The following SERGEF variants were observed in gnomAD, a reference collection of about 807,000 sequenced individuals.
SERGEF encodes the protein secretion regulating guanine nucleotide exchange factor, also known as secretion-regulating guanine nucleotide exchange factor.
Under a neutral mutation model 50.0 loss-of-function variants are expected in SERGEF, and 51 were observed. The observed-to-expected ratio is 1.02, with a 90% CI of 0.81 to 1.29. SERGEF has a LOEUF of 1.29. Among genes scored for constraint, SERGEF ranks in the 50% most tolerant of loss-of-function variants. SERGEF has a pLI of 0.00. For synonymous variants in SERGEF, 205 were observed against 212.4 expected, an observed-to-expected ratio of 0.97 and a Z score of 0.30; for missense variants, 521 against 557.0, an observed-to-expected ratio of 0.94 and a Z score of 0.65.
At chr11:17,849,622 A>G (rs1360794481) in intron 10 of SERGEF, among the ~76,000 whole-genome samples, 1 of 152,212 alleles carries the variant, frequency 6.6e-6, no homozygotes, top group East Asian at 1.9e-4. Flanking sequence ...ACCAGGAGAC[A>G]GAATAATAAT....
At chr11:17,923,283 G>T (rs191731323) in intron 9 of SERGEF, among the ~76,000 whole-genome samples, 1 of 152,188 alleles carries the variant, frequency 6.6e-6, no homozygotes, top group South Asian at 2.1e-4. Flanking sequence ...ACCTCAGTGC[G>T]CTCAGCTCTG....
At chr11:17,829,806 C>T (rs961155860) in intron 10 of SERGEF, among the ~76,000 whole-genome samples, 1 of 152,082 alleles carries the variant, frequency 6.6e-6, no homozygotes, top group African/African-American at 2.4e-5. Flanking sequence ...TGTTTTAAGA[C>T]CAAGTGTTTA....
intron 10 of SERGEF, among the ~76,000 whole-genome samples, chr11:17,866,471 G>A (rs1334462029): frequency 1.3e-5 from 2 of 152,124 alleles, no homozygotes; most frequent in East Asian, 3.9e-4. Context: ...TATTGCTTAT[G>A]ACAAAATCAT....
intron 10 of SERGEF, among the ~76,000 whole-genome samples, chr11:17,876,808 G>A (rs989997105): frequency 8.5e-5 from 13 of 152,260 alleles, no homozygotes; most frequent in African/African-American, 2.9e-4. Flanking sequence ...AGCAGTAGCA[G>A]CAATGTCCTA....
chr11:17,852,115 C>T (rs1850725380), intron 10 of SERGEF, among the ~76,000 whole-genome samples: 1 of 152,084 alleles, frequency 6.6e-6, no homozygotes, highest in Admixed American at 6.6e-5. Flanking sequence ...CCATGCCGGG[C>T]CCTTTATACC....
intron 10 of SERGEF, among the ~76,000 whole-genome samples, chr11:17,793,761 G>A (rs1849526553): frequency 6.6e-6 from 1 of 152,222 alleles, no homozygotes; most frequent in South Asian, 2.1e-4. Flanking sequence ...TGAGACTTGG[G>A]TGGAGAGCCC....
At chr11:17,870,360 G>A (rs1483214058) in intron 10 of SERGEF, among the ~76,000 whole-genome samples, 1 of 152,202 alleles carries the variant, frequency 6.6e-6, no homozygotes, top group African/African-American at 2.4e-5. Flanking sequence ...AGAAAAGGGA[G>A]GCAGAAGAGT....
At chr11:17,869,842 TAC>T (rs1350555978) in intron 10 of SERGEF, among the ~76,000 whole-genome samples, 1 of 152,178 alleles carries the variant, frequency 6.6e-6, no homozygotes, top group South Asian at 2.1e-4. Context: ...TATGTTTTGT[TAC>T]ATGGCAAGGG....
At chr11:17,984,676 G>A (rs1382535224) in intron 8 of SERGEF, among the ~76,000 whole-genome samples, 1 of 152,194 alleles carries the variant, frequency 6.6e-6, no homozygotes, top group African/African-American at 2.4e-5. Flanking sequence ...AACTAGGGTG[G>A]TGACAATGGA....
At chr11:17,816,045 T>C (rs932750702) in intron 10 of SERGEF, among the ~76,000 whole-genome samples, 3 of 152,324 alleles carry the variant, frequency 2.0e-5, no homozygotes, top group Non-Finnish European at 2.9e-5. Flanking sequence ...ATTGTTTCCA[T>C]TGGGCTACTG....
At chr11:17,846,824 A>T (rs1186089309) in intron 10 of SERGEF, 1 of 452,444 alleles carries the variant, frequency 2.2e-6, no homozygotes, top group Non-Finnish European at 4.5e-6. Context: ...TGTAGCAGGT[A>T]TATAATAGAT....
Position 17,788,213 on chromosome 11 carries a change from G to A in SERGEF, c.1249C>T (p.Leu417Phe). ...ALVQDPKVTY[L>F]SPDAIEDTES... The stretch of plus-strand genomic sequence containing the variant: ...GTGTCCTCGATGGCATCTGGGGAAA[G>A]GTAGGTGACCTTGGGGTCCTGGACC... Residue 417 changes from leucine (L) to phenylalanine (F), a missense_variant, in exon 11 of 11, where the codon CTT (leucine) becomes TTT (phenylalanine). Coordinates refer to ENST00000265965, the MANE Select transcript of SERGEF (RefSeq NM_012139.4). 1 of 1,611,312 alleles carries A rather than the reference G, an allele frequency of 6.2e-7. No individual in the cohort carries two copies. The highest frequency in any genetic ancestry group is 2.2e-5 in the East Asian group (1 of 44,764).
chr11:17,827,230 G>A (rs1413820985), intron 10 of SERGEF, among the ~76,000 whole-genome samples: 6 of 152,186 alleles, frequency 3.9e-5, no homozygotes, highest in Non-Finnish European at 8.8e-5. Context: ...AGAGGAAACT[G>A]GAGGGTCCTT....
At chr11:17,797,038 GA>G (rs1235397066) in intron 10 of SERGEF, among the ~76,000 whole-genome samples, 2 of 152,166 alleles carry the variant, frequency 1.3e-5, no homozygotes, top group Non-Finnish European at 2.9e-5. Flanking sequence ...AGGGCCTGTG[GA>G]AAAAGGGTTT....
intron 8 of SERGEF, among the ~76,000 whole-genome samples, chr11:17,981,455 T>C (rs1385524543): frequency 6.6e-6 from 1 of 152,176 alleles, no homozygotes; most frequent in Non-Finnish European, 1.5e-5. Context: ...ATAGCAGGCT[T>C]GGGGACAAAA....
rs113552064 is a variant in SERGEF, at chr11:18,001,859, A to T, written c.448-1302T>A. 1.3e-3 allele frequency: 499 copies of T among 382,060 alleles called. 4 individuals carry two copies. The highest frequency in any genetic ancestry group is 9.6e-3 in the African/African-American group (456 of 47,434). The allele number at this position is 382,060 out of a possible 1,614,324, so 23.7% of individuals were successfully genotyped here. The stretch of plus-strand genomic sequence containing the variant: ...TCTATAGCATAATCATAACCCCATT[A>T]AGGCTTACCACATTTGTTTATTTAC... On this transcript the variant is annotated intron_variant, in intron 4 of 10. Transcript: ENST00000265965.
At chr11:17,997,020 T>C (rs1240565024) in intron 5 of SERGEF, among the ~76,000 whole-genome samples, 1 of 151,950 alleles carries the variant, frequency 6.6e-6, no homozygotes, top group East Asian at 1.9e-4. Context: ...GCCTGGGCAA[T>C]ATAGTGAGAT....
intron 10 of SERGEF, among the ~76,000 whole-genome samples, chr11:17,841,568 C>T (rs1850501916): frequency 6.6e-6 from 1 of 152,190 alleles, no homozygotes; most frequent in Non-Finnish European, 1.5e-5. Context: ...GGTTTTGCCA[C>T]ATCCACTTTT....
intron 9 of SERGEF, among the ~76,000 whole-genome samples, chr11:17,953,313 G>GATAGGCATACTCAAGCATCAGACAGC (rs1555016032): frequency 1.9e-4 from 29 of 152,330 alleles, no homozygotes; most frequent in African/African-American, 6.7e-4. Flanking sequence ...TGTTCAGACA[G>GATAGGCATACTCAAGCATCAGACAGC]ATAGGCATAC....
Sources: gnomAD v4.1 joint callset for allele counts (sites outside exome capture counted in the v4.1 genomes callset) on GRCh38, gnomAD v4.1.1 for gene constraint, MANE v1.5 for transcripts, NCBI Gene and HGNC (gene_info 2026-07-23, HGNC 2026-07-21) for gene names.